SLC22A25: variants seen among roughly 807,000 people sequenced by gnomAD.
The protein encoded by SLC22A25 is MGI:2442751, MGI:2385316, MGI:3042283, MGI:3645714, MGI:3605624, MGI:2442750.
Under a neutral mutation model 45.9 loss-of-function variants are expected in SLC22A25, and 44 were observed. The ratio of observed to expected loss-of-function variants is 0.96; its 90% CI spans 0.75 to 1.23. SLC22A25 has a LOEUF of 1.23. Ranked by LOEUF, SLC22A25 falls within the 50% of genes most tolerant of loss-of-function variation. The pLI is 0.00. For synonymous variants in SLC22A25, 283 were observed against 238.6 expected (o/e 1.19, Z -1.72); for missense variants, 800 against 666.4 (o/e 1.20, Z -2.21).
At chr11:63,167,998 C>T (rs766863239) in intron 9 of SLC22A25, 4 of 372,998 alleles carry the variant, frequency 1.1e-5, no homozygotes, top group Non-Finnish European at 2.2e-5. Context: ...TGTTCTGCAA[C>T]CTCCGCTGGT....
In SLC22A25 at chr11:63,180,764, G is replaced by T. The variant is rs763396567; in HGVS notation, c.966C>A (p.Ser322=). 8.1e-6 allele frequency: 13 copies of T among 1,612,434 alleles called. No individual in the cohort carries two copies. The Middle Eastern group carries it at 5.0e-4, about 62-fold the overall frequency. ...CTGCCTCCAGTTCTTGCTTCATGGT[G>T]GATTTCAAAACCTTCAACAACAACA... The part of the protein sequence containing the change: ...EDILTMEVLK[S]TMKQELEAAQ... The change falls in exon 9 of 12, where the codon TCC becomes TCA. Residue 322 remains serine, a synonymous_variant. Transcript: ENST00000306494.
rs75713799 is a variant in SLC22A25 at position 63,175,457 on chromosome 11, G to C, written c.1070+5203C>G. Among the ~76,000 whole-genome samples the C allele has an allele frequency of 3.1e-3, 467 of 152,170 alleles. 2 individuals carry two copies. The highest frequency in any genetic ancestry group is 0.011 in the African/African-American group (446 of 41,552). ...TGCTTATTTTGTGATTGGACTACTTGCATTCATGGTAGTGAGTTGTAGGTT... is the reference window on the plus strand; with the variant it reads ...TGCTTATTTTGTGATTGGACTACTTCCATTCATGGTAGTGAGTTGTAGGTT... On this transcript the variant is annotated intron_variant, in intron 9 of 11. Transcript: ENST00000306494.
chr11:63,160,263 G>T lies in SLC22A25; in HGVS notation c.*3561C>A, dbSNP rs1399313578. On this transcript the variant is annotated 3_prime_UTR_variant, in exon 12 of 12. Coordinates refer to ENST00000306494, the MANE Select transcript of SLC22A25 (RefSeq NM_199352.6). ...TATCACAGGCCTGGAGGCCTAGGAG[G>T]TCCAGGTGCCCCTGCTGTGTGCAGC... Among the ~76,000 whole-genome samples the T allele has an allele frequency of 6.6e-6, 1 of 152,152 alleles. No homozygotes were observed. The highest frequency in any genetic ancestry group is 2.4e-5 in the African/African-American group (1 of 41,462).
At chr11:63,176,879 A>T (rs575803811) in intron 9 of SLC22A25, among the ~76,000 whole-genome samples, 3 of 152,108 alleles carry the variant, frequency 2.0e-5, no homozygotes, top group African/African-American at 7.2e-5. Flanking sequence ...CGTGTTGCTC[A>T]TTAGGGTTCT....
At position 63,161,129 on chromosome 11, in the gene SLC22A25, G is replaced by C. The variant is rs1207938237; in HGVS notation, c.*2695C>G. On this transcript the variant is annotated 3_prime_UTR_variant, in exon 12 of 12. Coordinates refer to ENST00000306494, the MANE Select transcript of SLC22A25 (RefSeq NM_199352.6). ...CATGGTGGAAGACGATTCCCATGTA[G>C]TCAGTGCCTTTTATCTAGGTACAGC... 6.6e-6 allele frequency among the ~76,000 whole-genome samples: 1 copy of C among 152,014 alleles called. No individual in the cohort carries two copies. The highest frequency in any genetic ancestry group is 1.5e-5 in the Non-Finnish European group (1 of 67,980).
intron 7 of SLC22A25, among the ~76,000 whole-genome samples, chr11:63,191,320 C>G (rs931337584): frequency 4.6e-5 from 7 of 152,236 alleles, no homozygotes; most frequent in African/African-American, 1.7e-4. Context: ...ATGAGTGAGG[C>G]TCTGTGGGCA....
intron 3 of SLC22A25, among the ~76,000 whole-genome samples, chr11:63,233,605 T>C (rs2090111294): frequency 6.6e-6 from 1 of 152,218 alleles, no homozygotes; most frequent in Non-Finnish European, 1.5e-5. Flanking sequence ...TTCATTGATT[T>C]TTTGAAGGGT....
chr11:63,217,804 G>A, intron 5 of SLC22A25, 69 bp from the exon 6 acceptor site: 1 of 1,511,452 alleles, frequency 6.6e-7, no homozygotes, highest in Non-Finnish European at 8.9e-7. Context: ...CAAAGGGAAA[G>A]CACACTTTGA....
At chr11:63,166,670 T>C in intron 9 of SLC22A25, 12 of 998,952 alleles carry the variant, frequency 1.2e-5, no homozygotes, top group Non-Finnish European at 1.4e-5. Context: ...AGCCAAAATT[T>C]CCATTTGCCA....
At chr11:63,227,875 C>T (rs1286924033) in intron 5 of SLC22A25, among the ~76,000 whole-genome samples, 1 of 152,182 alleles carries the variant, frequency 6.6e-6, no homozygotes, top group Non-Finnish European at 1.5e-5. Flanking sequence ...TAAATGCTTC[C>T]TTCATGAGTG....
intron 7 of SLC22A25, among the ~76,000 whole-genome samples, chr11:63,215,658 C>T (rs556415444): frequency 7.2e-5 from 11 of 152,044 alleles, no homozygotes; most frequent in Admixed American, 1.3e-4. Context: ...CACATGTGAA[C>T]GTTTGTTACA....
chr11:63,219,351 C>G (rs2089796839), intron 5 of SLC22A25, among the ~76,000 whole-genome samples: 1 of 152,194 alleles, frequency 6.6e-6, no homozygotes, highest in African/African-American at 2.4e-5. Context: ...AATCACCTTT[C>G]TGACTCCCAA....
In SLC22A25 at chr11:63,238,014, T is replaced by C. The variant is rs2090191791; in HGVS notation, c.-576-2A>G. Reference sequence around the variant, plus strand: ...CTGAGATCCACATACCAGGTCCCACTAGAAGAAATAAAAACCAGCATCGTA... The same window carrying C: ...CTGAGATCCACATACCAGGTCCCACCAGAAGAAATAAAAACCAGCATCGTA... On this transcript the variant is annotated splice_acceptor_variant, in intron 2 of 11. Transcript: ENST00000306494. LOFTEE classifies it low-confidence loss of function (5UTR_SPLICE). The C allele has an allele frequency of 6.6e-6, 1 of 152,326 alleles. No homozygotes were observed. Among genetic ancestry groups the C allele is most frequent in the Non-Finnish European group, 1.5e-5 (1 of 68,054 alleles). 9.4% of individuals were successfully genotyped at this position (152,326 alleles called of 1,614,324 possible). A position where few individuals can be genotyped will look rare whatever the true frequency, so the allele number is the denominator to read the frequency against.
At chr11:63,218,927 G>A (rs2089786833) in intron 5 of SLC22A25, among the ~76,000 whole-genome samples, 1 of 152,086 alleles carries the variant, frequency 6.6e-6, no homozygotes, top group Non-Finnish European at 1.5e-5. Context: ...AAAAATAATT[G>A]TTCTACCAAA....
intron 7 of SLC22A25, among the ~76,000 whole-genome samples, chr11:63,216,189 T>C (rs987625451): frequency 6.6e-6 from 1 of 152,118 alleles, no homozygotes; most frequent in Non-Finnish European, 1.5e-5. Context: ...CTCACACTAA[T>C]CAGAATGGCT....
chr11:63,174,396 A>G (rs1482098540), intron 9 of SLC22A25, among the ~76,000 whole-genome samples: 1 of 152,154 alleles, frequency 6.6e-6, no homozygotes, highest in Non-Finnish European at 1.5e-5. Context: ...CATAGATCAG[A>G]TAAGAACCAC....
At chr11:63,202,216 A>C (rs567651555) in intron 7 of SLC22A25, among the ~76,000 whole-genome samples, 1 of 151,450 alleles carries the variant, frequency 6.6e-6, no homozygotes, top group Non-Finnish European at 1.5e-5. Context: ...AAAACTGGGT[A>C]GTCATTTGGG....
chr11:63,209,399 A>T (rs969635521), intron 7 of SLC22A25, among the ~76,000 whole-genome samples: 6 of 152,186 alleles, frequency 3.9e-5, no homozygotes, highest in African/African-American at 1.2e-4. Flanking sequence ...GTCGGCCCCC[A>T]TATGTGCCAG....
chr11:63,184,185 AC>A (rs2088434201), intron 7 of SLC22A25, among the ~76,000 whole-genome samples: 1 of 152,102 alleles, frequency 6.6e-6, no homozygotes, highest in South Asian at 2.1e-4. Flanking sequence ...TAAAGTAAAG[AC>A]CCTGAAATAA....
Sources: gnomAD v4.1 joint callset for allele counts (sites outside exome capture counted in the v4.1 genomes callset) on GRCh38, gnomAD v4.1.1 for gene constraint, MANE v1.5 for transcripts, NCBI Gene and HGNC (gene_info 2026-07-23, HGNC 2026-07-21) for gene names.